MDGA1: variants seen among roughly 807,000 people sequenced by gnomAD.
MDGA1 encodes MAM domain containing glycosylphosphatidylinositol anchor 1.
Under a neutral mutation model 101.5 loss-of-function variants are expected in MDGA1, and 54 were observed. The ratio of observed to expected loss-of-function variants is 0.53; its 90% CI spans 0.43 to 0.67. The LOEUF is 0.67. Among genes scored for constraint, MDGA1 ranks in the 30% least tolerant of loss-of-function variants. The pLI is 0.00. For missense variants in MDGA1, 1,083 were observed against 1,323.8 expected (o/e 0.82, Z 2.82); for synonymous variants, 533 against 558.3 (o/e 0.95, Z 0.64).
chr6:37,675,412 G>A (rs899143430), intron 1 of MDGA1, among the ~76,000 whole-genome samples: 1 of 152,124 alleles, frequency 6.6e-6, no homozygotes, highest in Admixed American at 6.5e-5. Context: ...TACTCAGCAG[G>A]TACTTAATAA....
rs1227626843 is a variant in MDGA1, at chr6:37,635,961, T to C, written c.*1407A>G. 1.8e-5 allele frequency: 7 copies of C among 388,250 alleles called. No individual in the cohort carries two copies. The highest frequency in any genetic ancestry group is 2.7e-5 in the Non-Finnish European group (6 of 219,608). The allele number at this position is 388,250 out of a possible 1,614,324, so 24.1% of individuals were successfully genotyped here. On this transcript the variant is annotated 3_prime_UTR_variant, in exon 17 of 17. Coordinates refer to ENST00000434837, the MANE Select transcript of MDGA1 (RefSeq NM_153487.4). Reference sequence around the variant, plus strand: ...CAGTCTCACAGGCAGATATGTGAGATTGCACACACAGACCTGTGTTTGCAC... The same window carrying C: ...CAGTCTCACAGGCAGATATGTGAGACTGCACACACAGACCTGTGTTTGCAC...
Position 37,637,466 on chromosome 6 carries a change from CAG to C in MDGA1, c.2777-9_2777-8del, listed in dbSNP as rs1763955631. The C allele has an allele frequency of 6.2e-7, 1 of 1,611,726 alleles. No individual in the cohort carries two copies. Among genetic ancestry groups the C allele is most frequent in the Non-Finnish European group, 8.5e-7 (1 of 1,178,444 alleles). On this transcript the variant is annotated splice_polypyrimidine_tract_variant and splice_region_variant and intron_variant, in intron 16 of 16. Transcript: ENST00000434837. ...CTGCCCGGCATCACCACCACTGCAA[CAG>C]GGGAGAAAGAGGAGACAGGCCAGGG...
At chr6:37,640,332 G>A (rs1242172477) in intron 14 of MDGA1, among the ~76,000 whole-genome samples, 7 of 151,994 alleles carry the variant, frequency 4.6e-5, no homozygotes, top group Non-Finnish European at 8.8e-5. Context: ...AGACAGATAC[G>A]GAGGAGTGTA....
rs954169348 is a variant in MDGA1, at chr6:37,631,786, A to C, written c.*5582T>G. On this transcript the variant is annotated 3_prime_UTR_variant, in exon 17 of 17. Transcript: ENST00000434837. ...GTCTGGGGTAAAGGGAAAGGTTGGC[A>C]TAACTTGATCTTAGGGCAAGGATGC... The C allele has an allele frequency of 6.6e-6, 1 of 152,246 alleles. No homozygotes were observed. Among genetic ancestry groups the C allele is most frequent in the African/African-American group, 2.4e-5 (1 of 41,452 alleles). 9.4% of individuals were successfully genotyped at this position (152,246 alleles called of 1,614,324 possible).
At chr6:37,682,057 A>C (rs1386847833) in intron 1 of MDGA1, among the ~76,000 whole-genome samples, 2 of 152,086 alleles carry the variant, frequency 1.3e-5, no homozygotes, top group East Asian at 1.9e-4. Context: ...ACACACACAC[A>C]CCCCTCTGCA....
intron 1 of MDGA1, among the ~76,000 whole-genome samples, chr6:37,669,532 A>T (rs1386367121): frequency 6.6e-6 from 1 of 152,022 alleles, no homozygotes. Context: ...CAATTTGCTC[A>T]TCACCCCCCA....
chr6:37,680,997 C>CA (rs1000511788), intron 1 of MDGA1, among the ~76,000 whole-genome samples: 11 of 39,724 alleles, frequency 2.8e-4, no homozygotes, highest in Non-Finnish European at 5.0e-5. Context: ...TCCTCCTCAG[C>CA]CCCCCCCCCC....
At chr6:37,690,714 T>C (rs1298126201) in intron 1 of MDGA1, among the ~76,000 whole-genome samples, 1 of 150,702 alleles carries the variant, frequency 6.6e-6, no homozygotes, top group Non-Finnish European at 1.5e-5. Context: ...GAGGCAAAGG[T>C]TGCGGTGAGC....
At chr6:37,679,536 C>T (rs1035125840) in intron 1 of MDGA1, among the ~76,000 whole-genome samples, 16 of 152,152 alleles carry the variant, frequency 1.1e-4, no homozygotes, top group African/African-American at 3.9e-4. Flanking sequence ...TCCTCCTGGG[C>T]CAGGGTCTCA....
Position 37,696,676 on chromosome 6 carries a change from G to A in MDGA1, c.67+69C>T, listed in dbSNP as rs554567903. On this transcript the variant is annotated intron_variant, in intron 1 of 16. Coordinates refer to ENST00000434837, the MANE Select transcript of MDGA1 (RefSeq NM_153487.4). The surrounding 1 kb of genome is among the most constrained non-coding windows in gnomAD (Gnocchi z 5.6). ...GGTCTCCACCAAACCCCGGCAGCGC[G>A]CACTTTGCGCCTCTTGCAAAGTTTC... 276 of 1,434,894 alleles carry A rather than the reference G, an allele frequency of 1.9e-4. No individual in the cohort carries two copies. Among genetic ancestry groups the A allele is most frequent in the Admixed American group, 8.5e-4 (43 of 50,782 alleles). 88.9% of individuals were successfully genotyped at this position (1,434,894 alleles called of 1,614,324 possible).
intron 9 of MDGA1, chr6:37,648,662 G>C (rs923052771): frequency 9.3e-6 from 4 of 427,856 alleles, no homozygotes; most frequent in African/African-American, 8.3e-5. Context: ...AGCTGTAATG[G>C]GCGGGGCTTA....
intron 1 of MDGA1, among the ~76,000 whole-genome samples, chr6:37,680,996 G>GC (rs61618174): frequency 0.086 from 12,407 of 144,700 alleles, 702 homozygotes; most frequent in East Asian, 0.31. Context: ...TTCCTCCTCA[G>GC]CCCCCCCCCC....
Position 37,669,097 on chromosome 6 carries a change from C to T in MDGA1, c.68-4991G>A, listed in dbSNP as rs552126084. ...TCCTGACCTCGTGATCCACCCTCCT[C>T]GGCCTCCCAAAGTGCTGGGATTACA... On this transcript the variant is annotated intron_variant, in intron 1 of 16. Coordinates refer to ENST00000434837, the MANE Select transcript of MDGA1 (RefSeq NM_153487.4). Among the ~76,000 whole-genome samples, 6 of 152,274 alleles carry T rather than the reference C, an allele frequency of 3.9e-5. No homozygotes were observed. The East Asian group carries it at 7.7e-4, about 20-fold the overall frequency.
intron 1 of MDGA1, among the ~76,000 whole-genome samples, chr6:37,665,872 C>T (rs1214971183): frequency 6.6e-6 from 1 of 152,162 alleles, no homozygotes; most frequent in Non-Finnish European, 1.5e-5. Context: ...GTGCATTCCC[C>T]CTTTGTGAAT....
chr6:37,695,560 AC>A (rs939831895), intron 1 of MDGA1, among the ~76,000 whole-genome samples: 5 of 152,010 alleles, frequency 3.3e-5, no homozygotes, highest in African/African-American at 1.2e-4. Flanking sequence ...CCTTCAGGAC[AC>A]CCCTTCTTCT....
chr6:37,667,118 T>C (rs555919719), intron 1 of MDGA1, among the ~76,000 whole-genome samples: 4 of 152,214 alleles, frequency 2.6e-5, no homozygotes, highest in East Asian at 1.9e-4. Flanking sequence ...ATCACAGAGG[T>C]AGAGTCCACA....
chr6:37,643,770 G>A (rs1296091238), intron 14 of MDGA1, 39 bp downstream of exon 14: 1 of 1,611,174 alleles, frequency 6.2e-7, no homozygotes, highest in East Asian at 2.2e-5. Flanking sequence ...CCATCCTCCA[G>A]CACACACTTG....
chr6:37,658,358 T>C lies in MDGA1; in HGVS notation c.269A>G (p.Asn90Ser), dbSNP rs1176497161. The C allele has an allele frequency of 6.2e-7, 1 of 1,613,110 alleles. No homozygotes were observed. Among genetic ancestry groups the C allele is most frequent in the East Asian group, 2.2e-5 (1 of 44,886 alleles). The change falls in exon 3 of 17, where the codon AAC (asparagine) becomes AGC (serine). Residue 90 changes from asparagine (N) to serine (S), a missense_variant. Physicochemically the swap from Asn to Ser is conservative, Grantham distance 46 (BLOSUM62 1). Around this residue, in one of 3 missense-constraint regions of MDGA1, gnomAD observed 310 missense variants for 355.9 expected, o/e 0.87. Transcript: ENST00000434837. ...AATACGCTCGATGCGCAGCGTCTCG[T>C]TGAACACCGATGTCTCCTGGAACTT... ...SDKFQETSVFNETLRIERIAR... is the reference protein window; with the variant it reads ...SDKFQETSVFSETLRIERIAR...
At chr6:37,680,812 G>A (rs907885027) in intron 1 of MDGA1, among the ~76,000 whole-genome samples, 7 of 152,236 alleles carry the variant, frequency 4.6e-5, no homozygotes, top group African/African-American at 1.7e-4. Context: ...GATCTGGCAC[G>A]GGCGCAGCGG....
Sources: allele counts gnomAD v4.1 joint callset (sites outside exome capture counted in the v4.1 genomes callset), GRCh38; gene constraint gnomAD v4.1.1; regional missense constraint gnomAD v4.1.1; non-coding constraint Gnocchi (gnomAD v3.1); transcripts MANE v1.5; gene names NCBI Gene and HGNC (gene_info 2026-07-23, HGNC 2026-07-21).